The following DCP2 variants were observed in gnomAD, a reference collection of about 807,000 sequenced individuals.
DCP2 encodes the protein m7GpppN-mRNA hydrolase.
DCP2 carries 30 observed loss-of-function variants against 56.1 expected under a neutral mutation model. The observed-to-expected ratio is 0.53, with a 90% CI of 0.40 to 0.73. DCP2 has a LOEUF of 0.73. Among genes scored for constraint, DCP2 ranks in the 30% least tolerant of loss-of-function variants. DCP2 has a pLI of 0.00. For synonymous variants in DCP2, 197 were observed against 163.3 expected, an observed-to-expected ratio of 1.21 and a Z score of -1.57; for missense variants, 533 against 502.7, an observed-to-expected ratio of 1.06 and a Z score of -0.58.
chr5:112,999,595 G>A (rs1377227825), intron 4 of DCP2, among the ~76,000 whole-genome samples: 2 of 151,292 alleles, frequency 1.3e-5, no homozygotes, highest in African/African-American at 4.9e-5. Flanking sequence ...CCTTAGTGCT[G>A]GGATTACAGG....
At chr5:113,011,353 G>C (rs1174723493) in intron 10 of DCP2, among the ~76,000 whole-genome samples, 1 of 152,126 alleles carries the variant, frequency 6.6e-6, no homozygotes, top group Non-Finnish European at 1.5e-5. Flanking sequence ...CTCCTTCCTC[G>C]GTTATGAAAA....
At chr5:113,012,446 T>G (rs1749715192) in intron 10 of DCP2, among the ~76,000 whole-genome samples, 3 of 152,184 alleles carry the variant, frequency 2.0e-5, no homozygotes, top group African/African-American at 7.2e-5. Context: ...TTGAGAAGTG[T>G]GAAAGGATTC....
At position 112,976,923 on chromosome 5, in the gene DCP2, G is replaced by A; in HGVS notation, c.-11G>A. 6.2e-7 allele frequency: 1 copy of A among 1,613,150 alleles called. No homozygotes were observed. The highest frequency in any genetic ancestry group is 2.2e-5 in the East Asian group (1 of 44,796). On this transcript the variant is annotated 5_prime_UTR_variant, in exon 1 of 11. Transcript: ENST00000389063. ...AGCCGGGATGCACTGTTCCTGCTGTGGGTCCTCATCATGGAGACCAAACGG... is the reference window on the plus strand; with the variant it reads ...AGCCGGGATGCACTGTTCCTGCTGTAGGTCCTCATCATGGAGACCAAACGG...
intron 4 of DCP2, among the ~76,000 whole-genome samples, chr5:112,998,079 T>G (rs775785267): frequency 6.6e-6 from 1 of 152,382 alleles, no homozygotes; most frequent in East Asian, 1.9e-4. Flanking sequence ...GGTGTCTGTT[T>G]ATATATTTCA....
At chr5:113,001,522 T>C in intron 6 of DCP2, 45 bp from the exon 7 acceptor site, 2 of 1,607,454 alleles carry the variant, frequency 1.2e-6, no homozygotes, top group Non-Finnish European at 1.7e-6. Flanking sequence ...AGTCATCTTC[T>C]GTCTGTAGCC....
At chr5:112,982,690 C>A (rs10059155) in intron 1 of DCP2, among the ~76,000 whole-genome samples, 3,383 of 152,112 alleles carry the variant, frequency 0.022, 130 homozygotes, top group African/African-American at 0.076. Flanking sequence ...AGTTACTGTA[C>A]ATTTAAAGAA....
chr5:112,984,691 A>ATATATATATAT (rs1561685051), intron 1 of DCP2: 3 of 70,332 alleles, frequency 4.3e-5, no homozygotes, highest in African/African-American at 2.2e-4. Context: ...TTAATTAAAA[A>ATATATATATAT]AAAAAAAAAA....
At chr5:112,982,659 T>C (rs538634888) in intron 1 of DCP2, among the ~76,000 whole-genome samples, 32 of 151,624 alleles carry the variant, frequency 2.1e-4, no homozygotes, top group South Asian at 1.7e-3. Flanking sequence ...TAGTTTTTTT[T>C]CCCCCCGAGG....
At chr5:112,986,104 C>G in intron 2 of DCP2, 118 bp downstream of exon 2, 2 of 1,022,722 alleles carry the variant, frequency 2.0e-6, no homozygotes, top group Non-Finnish European at 2.7e-6. Context: ...TACTTGATTG[C>G]TAAAATTTGT....
Position 112,992,672 on chromosome 5 carries a change from GTAC to G in DCP2, c.340_342del (p.Leu114del). Reference sequence around the variant, plus strand: ...ATTTTTACTTCTGCTTGTTTTGTAGGTACTACTAGTTCAGGGGTACCTAGCAAA... The same window carrying G: ...ATTTTTACTTCTGCTTGTTTTGTAGGTACTAGTTCAGGGGTACCTAGCAAA... On this transcript the variant is annotated inframe_deletion and splice_region_variant, in exon 4 of 11. Coordinates refer to ENST00000389063, the MANE Select transcript of DCP2 (RefSeq NM_152624.6). The G allele has an allele frequency of 1.3e-6, 2 of 1,573,090 alleles. No individual in the cohort carries two copies. The highest frequency in any genetic ancestry group is 1.7e-6 in the Non-Finnish European group (2 of 1,164,006).
intron 2 of DCP2, among the ~76,000 whole-genome samples, chr5:112,989,708 A>G (rs1272953237): frequency 1.3e-5 from 2 of 152,184 alleles, no homozygotes; most frequent in South Asian, 2.1e-4. Context: ...GTATTCATTC[A>G]TTATTAACGT....
chr5:112,978,979 TATC>T (rs1211722384), intron 1 of DCP2, among the ~76,000 whole-genome samples: 3 of 152,208 alleles, frequency 2.0e-5, no homozygotes, highest in Non-Finnish European at 4.4e-5. Flanking sequence ...ATTTGCATAT[TATC>T]TAGGATTACA....
At position 112,976,833 on chromosome 5, in the gene DCP2, C is replaced by G. The variant is rs753664896; in HGVS notation, c.-101C>G. ...TTGGAGTCGTCTCTGCCGCGGCTTCCTCGGCTGCCAGCTCTCCGGCGAGCC... is the reference window on the plus strand; with the variant it reads ...TTGGAGTCGTCTCTGCCGCGGCTTCGTCGGCTGCCAGCTCTCCGGCGAGCC... On this transcript the variant is annotated 5_prime_UTR_variant, in exon 1 of 11. Coordinates refer to ENST00000389063, the MANE Select transcript of DCP2 (RefSeq NM_152624.6). 1.2e-5 allele frequency: 16 copies of G among 1,300,892 alleles called. No individual in the cohort carries two copies. The highest frequency in any genetic ancestry group is 1.7e-5 in the Admixed American group (1 of 59,592). 80.6% of individuals were successfully genotyped at this position (1,300,892 alleles called of 1,614,324 possible). A position where few individuals can be genotyped will look rare whatever the true frequency, so the allele number is the denominator to read the frequency against.
Position 112,985,873 on chromosome 5 carries a change from A to G in DCP2, c.92A>G (p.Asn31Ser), listed in dbSNP as rs775605039. 18 of 1,610,032 alleles carry G rather than the reference A, an allele frequency of 1.1e-5. No individual in the cohort carries two copies. In the East Asian group the frequency reaches 1.6e-4, roughly 14 times the overall value. ...ILHIPSEERDNAIRVCFQIEL... is the reference protein window; with the variant it reads ...ILHIPSEERDSAIRVCFQIEL... ...CATATTCCCAGCGAGGAAAGAGACA[A>G]TGCAATCCGAGTGTGTTTTCAGATT... Residue 31 changes from asparagine to serine, a missense_variant, in exon 2 of 11, where the codon AAT (asparagine) becomes AGT (serine). By Grantham distance (46) the Asn-to-Ser change is conservative. Coordinates refer to ENST00000389063, the MANE Select transcript of DCP2 (RefSeq NM_152624.6).
rs1366469213 is a variant in DCP2 at position 113,016,467 on chromosome 5, CAATT to C, written c.*2985_*2988del. ...ATATCGTTATTTTTCTATTAAATAT[CAATT>C]AGTAAGTATAGCTAATGAAGACATA... is the stretch of plus-strand genomic sequence containing the variant. On this transcript the variant is annotated 3_prime_UTR_variant, in exon 11 of 11. Transcript: ENST00000389063. The C allele has an allele frequency of 6.6e-6, 1 of 152,164 alleles. No individual in the cohort carries two copies. Among genetic ancestry groups the C allele is most frequent in the Non-Finnish European group, 1.5e-5 (1 of 68,032 alleles). 9.4% of individuals were successfully genotyped at this position (152,164 alleles called of 1,614,324 possible).
At chr5:112,978,062 C>T (rs1318577651) in intron 1 of DCP2, among the ~76,000 whole-genome samples, 1 of 152,076 alleles carries the variant, frequency 6.6e-6, no homozygotes, top group Non-Finnish European at 1.5e-5. Flanking sequence ...ACTGCAACCT[C>T]TGCCTTCCGG....
chr5:113,013,374 G>C lies in DCP2; in HGVS notation c.1153G>C (p.Glu385Gln), dbSNP rs745807991. ...SSEDQLLEHA[E>Q]GQPVACNGHC... ...TGAAGACCAGTTGCTAGAACATGCT[G>C]AGGGACAGCCCGTGGCATGTAATGG... The change falls in exon 11 of 11, where the codon GAG becomes CAG. Residue 385 changes from glutamate to glutamine, a missense_variant. Physicochemically the swap from Glu to Gln is conservative, Grantham distance 29. Transcript: ENST00000389063. The C allele has an allele frequency of 2.5e-6, 4 of 1,613,980 alleles. No homozygotes were observed. In the African/African-American group the frequency reaches 4.0e-5, roughly 16 times the overall value.
intron 4 of DCP2, among the ~76,000 whole-genome samples, chr5:112,995,951 G>A (rs1439231788): frequency 1.3e-5 from 2 of 152,292 alleles, no homozygotes; most frequent in African/African-American, 4.8e-5. Context: ...CCCTTCTTGT[G>A]TACATGCAGA....
Position 113,013,355 on chromosome 5 carries a change from C to A in DCP2, c.1134C>A (p.Asp378Glu). 1 of 1,614,064 alleles carries A rather than the reference C, an allele frequency of 6.2e-7. No individual in the cohort carries two copies. Among genetic ancestry groups the A allele is most frequent in the East Asian group, 2.2e-5 (1 of 44,860 alleles). ...ATGACTTGCCTAGCTCCAGTGAAGACCAGTTGCTAGAACATGCTGAGGGAC... is the reference window on the plus strand; with the variant it reads ...ATGACTTGCCTAGCTCCAGTGAAGAACAGTTGCTAGAACATGCTGAGGGAC... Reference protein sequence around the residue: ...AVYDLPSSSEDQLLEHAEGQP... With the variant: ...AVYDLPSSSEEQLLEHAEGQP... Residue 378 changes from aspartate to glutamate, a missense_variant, in exon 11 of 11, where the codon GAC (aspartate) becomes GAA (glutamate). Transcript: ENST00000389063.
Sources: allele counts gnomAD v4.1 joint callset (sites outside exome capture counted in the v4.1 genomes callset), GRCh38; gene constraint gnomAD v4.1.1; transcripts MANE v1.5; gene names NCBI Gene and HGNC (gene_info 2026-07-23, HGNC 2026-07-21).